Variants in CALCRL observed in about 807,000 individuals in gnomAD.
CALCRL encodes calcitonin receptor like receptor, also known as calcitonin gene-related peptide type 1 receptor.
A neutral mutation model predicts 60.4 loss-of-function variants in CALCRL; 27 were observed. The observed-to-expected ratio is 0.45, with a 90% confidence interval of 0.33 to 0.62. The LOEUF (loss-of-function observed/expected upper bound fraction) is 0.62, where lower values mean the gene tolerates loss of function less well. Among genes scored for constraint, CALCRL ranks in the 20% least tolerant of loss-of-function variants. The pLI is 0.03. For synonymous variants in CALCRL, 190 were observed against 182.6 expected, an observed-to-expected ratio of 1.04 and a Z score of -0.33; for missense variants, 424 against 540.7, an observed-to-expected ratio of 0.78 and a Z score of 2.14.
chr2:187,444,219 T>A (rs1484149783), intron 1 of CALCRL, among the ~76,000 whole-genome samples: 1 of 151,678 alleles, frequency 6.6e-6, no homozygotes, highest in Non-Finnish European at 1.5e-5. Flanking sequence ...CAAAAGTTTA[T>A]GTCATATTAA....
chr2:187,411,978 C>CAA (rs56075258), intron 1 of CALCRL, among the ~76,000 whole-genome samples: 1,092 of 60,198 alleles, frequency 0.018, 28 homozygotes, highest in African/African-American at 0.04. Context: ...GACTCTGTCT[C>CAA]AAAAAAAAAA....
intron 8 of CALCRL, among the ~76,000 whole-genome samples, chr2:187,378,120 C>G (rs961749031): frequency 1.3e-4 from 20 of 151,214 alleles, no homozygotes; most frequent in Admixed American, 7.3e-4. Flanking sequence ...AAAAGAAGAA[C>G]AAGAAGAAGG....
rs536762415 is a variant in CALCRL, at chr2:187,405,761, A to G, written c.-292-18005T>C. ...AAGGAGATAAAATGCAGACGGCTGA[A>G]ACAGTAAGAAAGAAAAGCTTGCAGC... On this transcript the variant is annotated intron_variant, in intron 1 of 14. Transcript: ENST00000392370. 2.6e-4 allele frequency among the ~76,000 whole-genome samples: 40 copies of G among 152,186 alleles called. No individual in the cohort carries two copies. The South Asian group carries it at 8.1e-3, about 31-fold the overall frequency.
At chr2:187,383,357 A>G in intron 4 of CALCRL, 52 bp from the exon 5 acceptor site, 1 of 1,495,590 alleles carries the variant, frequency 6.7e-7, no homozygotes, top group Non-Finnish European at 9.1e-7. Flanking sequence ...GATTATGAAA[A>G]TGTGTTTGTC....
intron 8 of CALCRL, among the ~76,000 whole-genome samples, chr2:187,372,330 T>TA (rs1257653028): frequency 5.3e-5 from 8 of 151,658 alleles, no homozygotes; most frequent in East Asian, 3.9e-4. Flanking sequence ...TTTTTTTTTT[T>TA]ATCTAAAGGG....
intron 1 of CALCRL, among the ~76,000 whole-genome samples, chr2:187,400,311 T>C (rs926313052): frequency 6.6e-6 from 1 of 151,312 alleles, no homozygotes; most frequent in Non-Finnish European, 1.5e-5. Flanking sequence ...ATTAGGAAAA[T>C]GCAATTCCAA....
rs1220627465 is a variant in CALCRL at position 187,345,142 on chromosome 2, A to C, written c.*1042T>G. The C allele has an allele frequency of 6.6e-6, 1 of 152,182 alleles. No individual in the cohort carries two copies. The highest frequency in any genetic ancestry group is 1.5e-5 in the Non-Finnish European group (1 of 67,780). 9.4% of individuals were successfully genotyped at this position (152,182 alleles called of 1,614,324 possible). ...TCTATTTTATTTAAAAAATCAGCCCAGATACAGTATCAGATATTAACATAC... is the reference window on the plus strand; with the variant it reads ...TCTATTTTATTTAAAAAATCAGCCCCGATACAGTATCAGATATTAACATAC... On this transcript the variant is annotated 3_prime_UTR_variant, in exon 15 of 15. Coordinates refer to ENST00000392370, the MANE Select transcript of CALCRL (RefSeq NM_005795.6).
In CALCRL at chr2:187,346,195, A is replaced by T. The variant is rs764560081; in HGVS notation, c.1375T>A (p.Leu459Ile). The stretch of plus-strand genomic sequence containing the variant: ...CCATCCTTCTATTTTCAATTATATA[A>T]ATTTTCTGGTTTTAAGAGAACATTT... ...IENVLLKPEN[L>I]YN The change falls in exon 15 of 15, where the codon TTA (leucine) becomes ATA (isoleucine). Residue 459 changes from leucine to isoleucine, a missense_variant. Coordinates refer to ENST00000392370, the MANE Select transcript of CALCRL (RefSeq NM_005795.6). The T allele has an allele frequency of 6.3e-7, 1 of 1,594,412 alleles. No individual in the cohort carries two copies. Among genetic ancestry groups the T allele is most frequent in the South Asian group, 1.1e-5 (1 of 89,806 alleles).
At chr2:187,370,165 A>T (rs1687460676) in intron 8 of CALCRL, among the ~76,000 whole-genome samples, 1 of 152,148 alleles carries the variant, frequency 6.6e-6, no homozygotes, top group Admixed American at 6.5e-5. Context: ...TTAATGTTTC[A>T]TCAGCAAATA....
intron 10 of CALCRL, 62 bp downstream of exon 10, chr2:187,360,536 C>A (rs1375818783): frequency 6.4e-6 from 9 of 1,395,782 alleles, no homozygotes; most frequent in Non-Finnish European, 6.8e-6. Context: ...ACAAAGGAAC[C>A]TGGCATCCTC....
At chr2:187,387,567 A>G (rs1688260762) in intron 2 of CALCRL, 74 bp from the exon 3 acceptor site, 3 of 374,236 alleles carry the variant, frequency 8.0e-6, no homozygotes, top group Non-Finnish European at 1.4e-5. Flanking sequence ...TTATAGACAG[A>G]AAACAATGAG....
rs920535996 is a variant in CALCRL, at chr2:187,357,914, A to G, written c.909+1149T>C. On this transcript the variant is annotated intron_variant, in intron 12 of 14. Coordinates refer to ENST00000392370, the MANE Select transcript of CALCRL (RefSeq NM_005795.6). ...TGTAACAAACCTGCACGTTCTGCAC[A>G]TGTATCCCAGAACTTAAAGTATAAC... is the stretch of plus-strand genomic sequence containing the variant. Among the ~76,000 whole-genome samples, 9 of 152,204 alleles carry G rather than the reference A, an allele frequency of 5.9e-5. 1 individual carries two copies. In the South Asian group the frequency reaches 1.2e-3, roughly 21 times the overall value.
intron 1 of CALCRL, chr2:187,428,297 T>A (rs1690241651): frequency 6.6e-6 from 1 of 152,232 alleles, no homozygotes; most frequent in Non-Finnish European, 1.5e-5. Flanking sequence ...TATTTTGCTG[T>A]GGAACATGTA....
chr2:187,366,167 C>T (rs1280644945), intron 8 of CALCRL, among the ~76,000 whole-genome samples: 1 of 142,556 alleles, frequency 7.0e-6, no homozygotes, highest in Admixed American at 7.5e-5. Flanking sequence ...GGCGTGAACC[C>T]GGGAAGCGGA....
intron 12 of CALCRL, among the ~76,000 whole-genome samples, chr2:187,356,971 T>C (rs1469821126): frequency 6.6e-6 from 1 of 152,074 alleles, no homozygotes. Context: ...TCACACCAGT[T>C]AGAATGGTGA....
chr2:187,430,041 T>G (rs1050033626), intron 1 of CALCRL, among the ~76,000 whole-genome samples: 1 of 152,180 alleles, frequency 6.6e-6, no homozygotes, highest in African/African-American at 2.4e-5. Flanking sequence ...AAGCAAACTT[T>G]GGGCCTTTTG....
intron 12 of CALCRL, among the ~76,000 whole-genome samples, chr2:187,356,124 T>G (rs1686771487): frequency 6.6e-6 from 1 of 152,176 alleles, no homozygotes; most frequent in Non-Finnish European, 1.5e-5. Context: ...ACTATTGACT[T>G]TCTTCACAGA....
At chr2:187,432,146 T>C (rs1379187731) in intron 1 of CALCRL, among the ~76,000 whole-genome samples, 3 of 151,948 alleles carry the variant, frequency 2.0e-5, no homozygotes, top group African/African-American at 7.3e-5. Flanking sequence ...CAGTAATGAG[T>C]TTTAAATCTC....
chr2:187,388,194 T>G (rs1358024416), intron 1 of CALCRL, among the ~76,000 whole-genome samples: 1 of 152,074 alleles, frequency 6.6e-6, no homozygotes, highest in Non-Finnish European at 1.5e-5. Context: ...TCATTCTAAA[T>G]TATACTGCCT....
Sources: allele counts gnomAD v4.1 joint callset (sites outside exome capture counted in the v4.1 genomes callset), GRCh38; gene constraint gnomAD v4.1.1; transcripts MANE v1.5; gene names NCBI Gene and HGNC (gene_info 2026-07-23, HGNC 2026-07-21).